Variants in MAGI2 observed in about 807,000 individuals in gnomAD.
MAGI2 encodes the protein membrane-associated guanylate kinase, WW and PDZ domain-containing protein 2.
A neutral mutation model predicts 133.3 loss-of-function variants in MAGI2; 35 were observed. The observed-to-expected ratio is 0.26, with a 90% CI of 0.20 to 0.35. The LOEUF (loss-of-function observed/expected upper bound fraction) is 0.35. MAGI2 is among the 10% of genes least tolerant of loss of function. The pLI is 1.00. For synonymous variants in MAGI2, 729 were observed against 710.6 expected, an observed-to-expected ratio of 1.03 and a Z score of -0.41; for missense variants, 1,636 against 1,863.4, an observed-to-expected ratio of 0.88 and a Z score of 2.25.
At chr7:78,290,161 T>C (rs543389964) in intron 9 of MAGI2, among the ~76,000 whole-genome samples, 213 of 152,168 alleles carry the variant, frequency 1.4e-3, no homozygotes, top group South Asian at 3.9e-3. Context: ...GACTGGCAAA[T>C]TGGATAAAGA....
At chr7:79,392,723 C>T (rs973623371) in intron 1 of MAGI2, among the ~76,000 whole-genome samples, 6 of 151,936 alleles carry the variant, frequency 3.9e-5, no homozygotes, top group African/African-American at 1.2e-4. Flanking sequence ...TTTTTCTTGA[C>T]CTTTACTCAA....
intron 2 of MAGI2, among the ~76,000 whole-genome samples, chr7:78,634,981 A>G (rs1232577764): frequency 6.6e-6 from 1 of 152,202 alleles, no homozygotes; most frequent in Non-Finnish European, 1.5e-5. Flanking sequence ...GAACTGAAAG[A>G]GCAAAAATGC....
intron 2 of MAGI2, among the ~76,000 whole-genome samples, chr7:78,936,977 A>C (rs1055319155): frequency 1.3e-5 from 2 of 152,092 alleles, no homozygotes; most frequent in African/African-American, 4.8e-5. Flanking sequence ...CCCCAGTAAC[A>C]ATGAATACAT....
At chr7:78,268,828 C>T (rs1366134631) in intron 9 of MAGI2, among the ~76,000 whole-genome samples, 1 of 152,064 alleles carries the variant, frequency 6.6e-6, no homozygotes, top group African/African-American at 2.4e-5. Context: ...GGTACATGTG[C>T]AGAATGTGCA....
chr7:78,871,275 C>T (rs1795010545), intron 2 of MAGI2, among the ~76,000 whole-genome samples: 1 of 152,054 alleles, frequency 6.6e-6, no homozygotes. Flanking sequence ...CGCGCCACTG[C>T]ACTCAGCCTG....
intron 21 of MAGI2, among the ~76,000 whole-genome samples, chr7:78,070,126 C>CACACACACACACAT (rs3084738): frequency 3.0e-4 from 41 of 136,224 alleles, no homozygotes; most frequent in Non-Finnish European, 4.9e-4. Flanking sequence ...CACACACACA[C>CACACACACACACAT]ATATATGTGT....
At chr7:79,257,495 T>G (rs1833774336) in intron 1 of MAGI2, among the ~76,000 whole-genome samples, 1 of 152,230 alleles carries the variant, frequency 6.6e-6, no homozygotes, top group Non-Finnish European at 1.5e-5. Context: ...CCAAATACCC[T>G]AAACTCACTG....
chr7:78,638,866 C>A (rs1020308863), intron 2 of MAGI2, among the ~76,000 whole-genome samples: 1 of 152,048 alleles, frequency 6.6e-6, no homozygotes, highest in Non-Finnish European at 1.5e-5. Flanking sequence ...TAAAAGGAGG[C>A]TTTTGATTCC....
At position 79,190,137 on chromosome 7, in the gene MAGI2, A is replaced by G. The variant is rs572937670; in HGVS notation, c.302-182931T>C. On this transcript the variant is annotated intron_variant, in intron 1 of 21. Coordinates refer to ENST00000354212, the MANE Select transcript of MAGI2 (RefSeq NM_012301.4). ...CATAAATTTTCAACTCATTCTGATT[A>G]ATACCAAGGAGCATGGTTGTTGGAC... 1.3e-4 allele frequency among the ~76,000 whole-genome samples: 20 copies of G among 151,942 alleles called. No homozygotes were observed. In the South Asian group the frequency reaches 4.1e-3, roughly 31 times the overall value.
intron 2 of MAGI2, among the ~76,000 whole-genome samples, chr7:78,855,236 A>G (rs1793529457): frequency 6.6e-6 from 1 of 151,956 alleles, no homozygotes; most frequent in Non-Finnish European, 1.5e-5. Context: ...ACAGGAACTC[A>G]ACACCATGCC....
intron 2 of MAGI2, among the ~76,000 whole-genome samples, chr7:78,863,000 G>A (rs1794274016): frequency 6.6e-6 from 1 of 152,238 alleles, no homozygotes; most frequent in Non-Finnish European, 1.5e-5. Context: ...AGTGTTTGCA[G>A]TCTGGAGTAT....
At chr7:78,591,252 C>T (rs1803971668) in intron 3 of MAGI2, among the ~76,000 whole-genome samples, 1 of 152,204 alleles carries the variant, frequency 6.6e-6, no homozygotes, top group African/African-American at 2.4e-5. Flanking sequence ...TTGACTATAT[C>T]TCTTCTCCTT....
chr7:79,236,544 A>C (rs925646659), intron 1 of MAGI2, among the ~76,000 whole-genome samples: 1 of 152,242 alleles, frequency 6.6e-6, no homozygotes, highest in Non-Finnish European at 1.5e-5. Flanking sequence ...GCTGACCAGC[A>C]ATCTCCATTC....
intron 9 of MAGI2, among the ~76,000 whole-genome samples, chr7:78,260,893 A>G (rs1793453243): frequency 6.6e-6 from 1 of 152,166 alleles, no homozygotes; most frequent in Non-Finnish European, 1.5e-5. Context: ...TTTCTTAGTC[A>G]TGGGAATCAA....
chr7:78,970,424 C>T (rs889423688), intron 2 of MAGI2, among the ~76,000 whole-genome samples: 3 of 152,082 alleles, frequency 2.0e-5, no homozygotes, highest in Middle Eastern at 3.4e-3. Context: ...ATCATAAAGT[C>T]ATTCTTCATA....
At chr7:78,533,568 G>A (rs1563133918) in intron 3 of MAGI2, among the ~76,000 whole-genome samples, 1 of 152,144 alleles carries the variant, frequency 6.6e-6, no homozygotes, top group Admixed American at 6.5e-5. Context: ...TACTAGAGCG[G>A]CACTATCCAA....
At chr7:78,452,372 G>T (rs981628390) in intron 6 of MAGI2, among the ~76,000 whole-genome samples, 1 of 151,928 alleles carries the variant, frequency 6.6e-6, no homozygotes, top group African/African-American at 2.4e-5. Flanking sequence ...ATATTAAAGA[G>T]CTTTGAAAAC....
At chr7:79,226,981 T>C (rs1012945486) in intron 1 of MAGI2, among the ~76,000 whole-genome samples, 4 of 152,108 alleles carry the variant, frequency 2.6e-5, no homozygotes, top group African/African-American at 9.7e-5. Flanking sequence ...TGTTTTTCAG[T>C]CTCTAAAGTA....
chr7:78,970,865 A>G (rs1259424444), intron 2 of MAGI2, among the ~76,000 whole-genome samples: 1 of 152,072 alleles, frequency 6.6e-6, no homozygotes, highest in South Asian at 2.1e-4. Flanking sequence ...AAATCAGTCA[A>G]GCACAGCTTC....
Sources: allele counts gnomAD v4.1 joint callset (sites outside exome capture counted in the v4.1 genomes callset), GRCh38; gene constraint gnomAD v4.1.1; transcripts MANE v1.5; gene names NCBI Gene and HGNC (gene_info 2026-07-23, HGNC 2026-07-21).